The following NFYC variants were observed in gnomAD, a reference collection of about 807,000 sequenced individuals.
NFYC encodes CAAT box DNA-binding protein subunit C.
NFYC carries 25 observed loss-of-function variants against 53.1 expected under a neutral mutation model. The observed-to-expected ratio is 0.47, with a 90% CI of 0.34 to 0.66. The LOEUF (loss-of-function observed/expected upper bound fraction) is 0.66, where lower values mean the gene tolerates loss of function less well. Ranked by LOEUF, NFYC falls within the 30% of genes least tolerant of loss-of-function variation. NFYC has a pLI of 0.01. For synonymous variants in NFYC, 145 were observed against 152.6 expected (o/e 0.95, Z 0.37); for missense variants, 260 against 422.7 (o/e 0.62, Z 3.38).
At chr1:40,707,601 C>T (rs1423582847) in intron 1 of NFYC, among the ~76,000 whole-genome samples, 3 of 150,286 alleles carry the variant, frequency 2.0e-5, no homozygotes, top group Admixed American at 6.7e-5. Context: ...CCCAGAAGTT[C>T]GAGACCAGCC....
At chr1:40,760,042 A>G (rs1438738333) in intron 6 of NFYC, among the ~76,000 whole-genome samples, 5 of 152,198 alleles carry the variant, frequency 3.3e-5, no homozygotes, top group Non-Finnish European at 5.9e-5. Flanking sequence ...TGCAGCTTCA[A>G]ACTACTGGGC....
intron 1 of NFYC, among the ~76,000 whole-genome samples, chr1:40,731,008 C>T (rs918464463): frequency 6.6e-6 from 1 of 152,124 alleles, no homozygotes; most frequent in Non-Finnish European, 1.5e-5. Flanking sequence ...CTTCTTGCAT[C>T]CCGAATATGT....
chr1:40,755,326 C>T (rs534592290), intron 5 of NFYC, among the ~76,000 whole-genome samples: 60 of 152,280 alleles, frequency 3.9e-4, no homozygotes, highest in African/African-American at 1.4e-3. Flanking sequence ...AGCAAGTGCC[C>T]CATTCTGGAT....
At position 40,770,510 on chromosome 1, in the gene NFYC, C is replaced by A; in HGVS notation, c.889-199C>A. 2 of 1,554,972 alleles carry A rather than the reference C, an allele frequency of 1.3e-6. No homozygotes were observed. Among genetic ancestry groups the A allele is most frequent in the Non-Finnish European group, 8.7e-7 (1 of 1,149,020 alleles). ...GCACCTCTTCCCTGCCCACCACACA[C>A]CCCCCCTCACACCGGGCTGGTGCCT... On this transcript the variant is annotated intron_variant, in intron 9 of 9. Coordinates refer to ENST00000447388, the MANE Select transcript of NFYC (RefSeq NM_014223.5). The surrounding 1 kb of genome is among the most constrained non-coding windows in gnomAD (Gnocchi z 5.3).
In NFYC at chr1:40,730,195, CTTTTT is replaced by C. The variant is rs34045698; in HGVS notation, c.-8-8623_-8-8619del. On this transcript the variant is annotated intron_variant, in intron 1 of 9. Transcript: ENST00000447388. ...GGACTGGCTAATTTTTCTTTCTTTT[CTTTTT>C]TTTTTTTTTTTTTTTTTGGTAGAGA... 1.4e-4 allele frequency among the ~76,000 whole-genome samples: 14 copies of C among 102,002 alleles called. No homozygotes were observed. The Admixed American group carries it at 1.6e-3, about 12-fold the overall frequency. The allele number at this position is 102,002 out of a possible 152,430, so 66.9% of individuals were successfully genotyped here. A position where few individuals can be genotyped will look rare whatever the true frequency, so the allele number is the denominator to read the frequency against.
In NFYC at chr1:40,771,375, C is replaced by T. The variant is rs1185107814; in HGVS notation, c.*547C>T. 2.1e-6 allele frequency: 1 copy of T among 467,186 alleles called. No homozygotes were observed. The highest frequency in any genetic ancestry group is 1.6e-5 in the South Asian group (1 of 63,854). 28.9% of individuals were successfully genotyped at this position (467,186 alleles called of 1,614,324 possible). A position where few individuals can be genotyped will look rare whatever the true frequency, so the allele number is the denominator to read the frequency against. On this transcript the variant is annotated 3_prime_UTR_variant, in exon 10 of 10. Transcript: ENST00000447388. Reference sequence around the variant, plus strand: ...CTGACCCCAGAGCTCTGTGTATTTGCATCCAGAGGCCATGGAAACATTCTT... The same window carrying T: ...CTGACCCCAGAGCTCTGTGTATTTGTATCCAGAGGCCATGGAAACATTCTT...
intron 6 of NFYC, among the ~76,000 whole-genome samples, chr1:40,762,079 C>CA (rs1283922341): frequency 2.6e-5 from 4 of 152,316 alleles, no homozygotes; most frequent in Middle Eastern, 3.4e-3. Context: ...CAAAAGAGTA[C>CA]ATTTCATAGG....
rs1647023602 is a variant in NFYC at position 40,770,291 on chromosome 1, AG to A, written c.889-413del. 4.8e-6 allele frequency: 5 copies of A among 1,043,882 alleles called. No homozygotes were observed. In the South Asian group the frequency reaches 8.3e-5, roughly 17 times the overall value. 64.7% of individuals were successfully genotyped at this position (1,043,882 alleles called of 1,614,324 possible). On this transcript the variant is annotated intron_variant, in intron 9 of 9. Transcript: ENST00000447388. This position sits in a 1 kb window ranked among gnomAD's most constrained non-coding sequence, Gnocchi z 5.3. The stretch of plus-strand genomic sequence containing the variant: ...GATATTCTGAGAAAAGAAGGAGAGG[AG>A]GGGGTAATCCTACTGCCCCTGCCAG...
chr1:40,708,147 ATTAT>A (rs1643810385), intron 1 of NFYC, among the ~76,000 whole-genome samples: 2 of 152,076 alleles, frequency 1.3e-5, no homozygotes, highest in Admixed American at 6.5e-5. Context: ...TAACCTAGCG[ATTAT>A]TTAAAGTATG....
rs772441818 is a variant in NFYC, at chr1:40,758,171, C to T, written c.438C>T (p.Phe146=). The T allele has an allele frequency of 1.9e-6, 3 of 1,612,502 alleles. No individual in the cohort carries two copies. The highest frequency in any genetic ancestry group is 2.5e-6 in the Non-Finnish European group (3 of 1,179,984). ...VTPAEPVQYY[F]TLAQQPTAVQ... is the part of the protein sequence containing the mutation. The stretch of plus-strand genomic sequence containing the variant: ...CTGCCGAGCCAGTCCAGTACTATTT[C>T]ACGCTGGCTCAGCAACCCACCGCTG... The change falls in exon 6 of 10, where the codon TTC becomes TTT. Residue 146 remains phenylalanine, a synonymous_variant. Coordinates refer to ENST00000447388, the MANE Select transcript of NFYC (RefSeq NM_014223.5).
At chr1:40,745,578 G>GTC (rs1023615073) in intron 2 of NFYC, among the ~76,000 whole-genome samples, 3 of 151,954 alleles carry the variant, frequency 2.0e-5, no homozygotes, top group African/African-American at 4.8e-5. Flanking sequence ...GTGATTTTTT[G>GTC]TCTCTCTCTC....
At chr1:40,709,196 A>G (rs1404515099) in intron 1 of NFYC, among the ~76,000 whole-genome samples, 1 of 152,208 alleles carries the variant, frequency 6.6e-6, no homozygotes, top group Non-Finnish European at 1.5e-5. Flanking sequence ...TAAAACAGGA[A>G]GTGTACAAAA....
chr1:40,740,897 T>A (rs925472564), intron 2 of NFYC, among the ~76,000 whole-genome samples: 2 of 151,784 alleles, frequency 1.3e-5, no homozygotes, highest in African/African-American at 2.4e-5. Flanking sequence ...GCTCAGCACT[T>A]AACTTTTCTG....
At chr1:40,698,794 G>T (rs1335478430) in intron 1 of NFYC, among the ~76,000 whole-genome samples, 2 of 152,140 alleles carry the variant, frequency 1.3e-5, no homozygotes, top group East Asian at 3.8e-4. Flanking sequence ...TTCAATAATT[G>T]TCCTATTCTT....
chr1:40,716,238 C>T (rs982745561), intron 1 of NFYC, among the ~76,000 whole-genome samples: 2 of 152,100 alleles, frequency 1.3e-5, no homozygotes, highest in African/African-American at 4.8e-5. Flanking sequence ...ATGGAAAGAA[C>T]AAGCAAAATA....
chr1:40,727,375 C>T (rs1386118066), intron 1 of NFYC, among the ~76,000 whole-genome samples: 1 of 104,964 alleles, frequency 9.5e-6, no homozygotes, highest in Admixed American at 9.2e-5. Context: ...AAGCATGTGC[C>T]ACCACAACCA....
At chr1:40,761,480 G>C (rs902050961) in intron 6 of NFYC, among the ~76,000 whole-genome samples, 1 of 152,208 alleles carries the variant, frequency 6.6e-6, no homozygotes, top group African/African-American at 2.4e-5. Flanking sequence ...AATTAATCCT[G>C]TGTTTTCTGT....
intron 1 of NFYC, among the ~76,000 whole-genome samples, chr1:40,697,569 A>G (rs796767128): frequency 6.6e-6 from 1 of 152,358 alleles, no homozygotes; most frequent in African/African-American, 2.4e-5. Flanking sequence ...ACAAATAGCA[A>G]TGATGATTAA....
At chr1:40,746,508 C>G (rs147660215) in intron 2 of NFYC, among the ~76,000 whole-genome samples, 2 of 152,246 alleles carry the variant, frequency 1.3e-5, no homozygotes, top group African/African-American at 4.8e-5. Flanking sequence ...TATGCTCCTT[C>G]CATAATGTGA....
Sources: allele counts gnomAD v4.1 joint callset (sites outside exome capture counted in the v4.1 genomes callset), GRCh38; gene constraint gnomAD v4.1.1; non-coding constraint Gnocchi (gnomAD v3.1); transcripts MANE v1.5; gene names NCBI Gene and HGNC (gene_info 2026-07-23, HGNC 2026-07-21).